Variants in CSMD1 observed in about 807,000 individuals in gnomAD.
CSMD1 encodes the protein CUB and Sushi multiple domains 1.
Under a neutral mutation model 417.5 loss-of-function variants are expected in CSMD1, and 213 were observed. That is an observed-to-expected ratio of 0.51 (90% CI 0.46 to 0.57). The LOEUF is 0.57. Among genes scored for constraint, CSMD1 ranks in the 20% least tolerant of loss-of-function variants. CSMD1 has a pLI of 0.00. For missense variants in CSMD1, 6,923 were observed against 4,529.7 expected, an observed-to-expected ratio of 1.53 and a Z score of -15.17; for synonymous variants, 2,862 against 1,736.8, an observed-to-expected ratio of 1.65 and a Z score of -16.11.
chr8:4,770,954 T>C (rs1427725588), intron 1 of CSMD1, among the ~76,000 whole-genome samples: 2 of 152,072 alleles, frequency 1.3e-5, no homozygotes, highest in Admixed American at 6.5e-5. Flanking sequence ...AATAAATAAA[T>C]GAGACTACAT....
At chr8:4,599,559 T>A (rs1800474204) in intron 2 of CSMD1, among the ~76,000 whole-genome samples, 1 of 151,826 alleles carries the variant, frequency 6.6e-6, no homozygotes. Flanking sequence ...CAAAAAAAAA[T>A]CTCATTGATA....
intron 10 of CSMD1, among the ~76,000 whole-genome samples, chr8:3,547,585 C>A (rs187969384): frequency 6.6e-6 from 1 of 152,180 alleles, no homozygotes; most frequent in East Asian, 1.9e-4. Context: ...TTTTTATTTA[C>A]ATTGCTTTAC....
At chr8:3,873,894 G>C (rs550587285) in intron 5 of CSMD1, among the ~76,000 whole-genome samples, 32 of 152,110 alleles carry the variant, frequency 2.1e-4, no homozygotes, top group Non-Finnish European at 4.3e-4. Context: ...CTGAACTGGG[G>C]GAGGTCACTG....
At chr8:3,410,812 C>A (rs930326256) in intron 12 of CSMD1, among the ~76,000 whole-genome samples, 1 of 152,038 alleles carries the variant, frequency 6.6e-6, no homozygotes, top group Non-Finnish European at 1.5e-5. Context: ...GATCATAGCT[C>A]ACTGCAACTT....
chr8:2,943,359 C>A (rs1459624147), intron 68 of CSMD1, among the ~76,000 whole-genome samples: 1 of 151,804 alleles, frequency 6.6e-6, no homozygotes. Flanking sequence ...TCCCAAGTAG[C>A]TGGGATGACA....
chr8:4,669,256 T>G (rs1805143749), intron 1 of CSMD1, among the ~76,000 whole-genome samples: 1 of 152,212 alleles, frequency 6.6e-6, no homozygotes, highest in Non-Finnish European at 1.5e-5. Flanking sequence ...TATTTACTAC[T>G]GATTTTTACC....
intron 2 of CSMD1, among the ~76,000 whole-genome samples, chr8:4,513,326 C>A (rs1802930765): frequency 6.6e-6 from 1 of 152,094 alleles, no homozygotes; most frequent in African/African-American, 2.4e-5. Context: ...AAAACTAAAT[C>A]TAGTAAAACA....
intron 57 of CSMD1, among the ~76,000 whole-genome samples, chr8:2,968,692 A>C (rs530732317): frequency 6.6e-6 from 1 of 152,194 alleles, no homozygotes; most frequent in South Asian, 2.1e-4. Flanking sequence ...ATTATGTAAA[A>C]TTATAAGACA....
chr8:4,284,336 C>A (rs1183510746), intron 3 of CSMD1, among the ~76,000 whole-genome samples: 2 of 152,092 alleles, frequency 1.3e-5, no homozygotes, highest in African/African-American at 2.4e-5. Context: ...CCAATGCACT[C>A]CAGCCTGGGG....
At chr8:4,496,059 T>G (rs1801962075) in intron 2 of CSMD1, among the ~76,000 whole-genome samples, 1 of 152,174 alleles carries the variant, frequency 6.6e-6, no homozygotes, top group Non-Finnish European at 1.5e-5. Context: ...TTCTTTTTCT[T>G]TTGTTCCACT....
chr8:4,379,346 T>C (rs1802954840), intron 3 of CSMD1, among the ~76,000 whole-genome samples: 1 of 152,148 alleles, frequency 6.6e-6, no homozygotes, highest in African/African-American at 2.4e-5. Context: ...TTGGAGGAGA[T>C]TCAGGAGACA....
chr8:4,931,300 C>G (rs1563797589), intron 1 of CSMD1, among the ~76,000 whole-genome samples: 1 of 152,144 alleles, frequency 6.6e-6, no homozygotes, highest in Non-Finnish European at 1.5e-5. Context: ...CTGATCAGGA[C>G]ATAGTTCTCC....
chr8:4,418,261 C>G (rs944115641), intron 3 of CSMD1, among the ~76,000 whole-genome samples: 1 of 152,094 alleles, frequency 6.6e-6, no homozygotes, highest in Non-Finnish European at 1.5e-5. Context: ...AGTTACTCAA[C>G]TTATGGCCCT....
At chr8:4,994,238 C>T in intron 1 of CSMD1, 94 bp downstream of exon 1, 4 of 1,139,076 alleles carry the variant, frequency 3.5e-6, no homozygotes, top group South Asian at 1.4e-5. Context: ...GCGGCCACTC[C>T]GTACCCTGCG....
chr8:3,757,587 G>A (rs989666187), intron 5 of CSMD1, among the ~76,000 whole-genome samples: 1 of 152,128 alleles, frequency 6.6e-6, no homozygotes, highest in African/African-American at 2.4e-5. Context: ...AACAGACCCG[G>A]TGCAGTGGCT....
At chr8:2,991,140 C>A (rs1806348125) in intron 54 of CSMD1, among the ~76,000 whole-genome samples, 1 of 152,116 alleles carries the variant, frequency 6.6e-6, no homozygotes. Flanking sequence ...TTCAACAGGC[C>A]AATTATTTCT....
At chr8:4,121,145 C>T (rs1441233867) in intron 3 of CSMD1, among the ~76,000 whole-genome samples, 1 of 151,884 alleles carries the variant, frequency 6.6e-6, no homozygotes, top group Non-Finnish European at 1.5e-5. Context: ...GGCAGAGTCT[C>T]ACTCTGTTGT....
intron 23 of CSMD1, among the ~76,000 whole-genome samples, chr8:3,310,154 G>T (rs1022423228): frequency 7.9e-5 from 12 of 152,116 alleles, no homozygotes; most frequent in Non-Finnish European, 1.5e-4. Context: ...CCGGTTTCAG[G>T]GTCATTCAAA....
intron 7 of CSMD1, among the ~76,000 whole-genome samples, chr8:3,668,203 G>A (rs28527341): frequency 0.16 from 24,220 of 152,082 alleles, 2,124 homozygotes; most frequent in South Asian, 0.22. Flanking sequence ...GCTAATAAGG[G>A]AACATAGTAA....
Sources: gnomAD v4.1 joint callset for allele counts (sites outside exome capture counted in the v4.1 genomes callset) on GRCh38, gnomAD v4.1.1 for gene constraint, MANE v1.5 for transcripts, NCBI Gene and HGNC (gene_info 2026-07-23, HGNC 2026-07-21) for gene names.